Variants in NRP1 observed in about 807,000 individuals in gnomAD.
The protein encoded by NRP1 is neuropilin-1.
In NRP1, 35 loss-of-function variants were observed where a neutral mutation model predicts 106.7. The observed-to-expected ratio is 0.33, with a 90% confidence interval of 0.25 to 0.43. NRP1 has a LOEUF of 0.43. Among genes scored for constraint, NRP1 ranks in the 20% least tolerant of loss-of-function variants. The probability of loss-of-function intolerance (pLI) is 1.00; values close to 1 mark genes in which losing one functional copy is unlikely to be tolerated. For missense variants in NRP1, 1,024 were observed against 1,170.4 expected (o/e 0.87, Z 1.83); for synonymous variants, 437 against 417.9 (o/e 1.05, Z -0.56).
chr10:33,253,757 T>C (rs1056917211), intron 6 of NRP1, among the ~76,000 whole-genome samples: 4 of 152,066 alleles, frequency 2.6e-5, no homozygotes, highest in African/African-American at 9.7e-5. Context: ...CTCGGAAGAG[T>C]AGTATATAAG....
chr10:33,258,554 G>A (rs545338674), intron 4 of NRP1, among the ~76,000 whole-genome samples: 1 of 152,206 alleles, frequency 6.6e-6, no homozygotes, highest in East Asian at 1.9e-4. Context: ...ACGGACAATA[G>A]CTTTGCATTA....
Position 33,319,588 on chromosome 10 carries a change from C to CTT in NRP1, c.248+11118_248+11119dup, listed in dbSNP as rs35886672. ...TTTTTTTTTCTTTCTTTCTTTCTTTCTTTTTTTTTTTTTTTTGAGACAGTG... is the reference window on the plus strand; with the variant it reads ...TTTTTTTTTCTTTCTTTCTTTCTTTCTTTTTTTTTTTTTTTTTTGAGACAGTG... On this transcript the variant is annotated intron_variant, in intron 2 of 16. Transcript: ENST00000374867. Among the ~76,000 whole-genome samples, 440 of 115,584 alleles carry CTT rather than the reference C, an allele frequency of 3.8e-3. 4 individuals are homozygous for CTT. Among genetic ancestry groups the CTT allele is most frequent in the African/African-American group, 0.014 (408 of 29,898 alleles). 75.8% of individuals were successfully genotyped at this position (115,584 alleles called of 152,430 possible). A position where few individuals can be genotyped will look rare whatever the true frequency, so the allele number is the denominator to read the frequency against.
At chr10:33,195,338 T>C (rs2474725) in intron 12 of NRP1, 35,832 of 357,494 alleles carry the variant, frequency 0.1, 1,981 homozygotes, top group Middle Eastern at 0.21. Flanking sequence ...CAGAGAGAGC[T>C]AGATTAAAAA....
At chr10:33,256,294 T>A in intron 5 of NRP1, 22 bp downstream of exon 5, 1 of 1,612,534 alleles carries the variant, frequency 6.2e-7, no homozygotes, top group Admixed American at 1.7e-5. Context: ...CACAGGGCTT[T>A]GCAAAATGAA....
chr10:33,310,316 T>C (rs1215069685), intron 2 of NRP1, among the ~76,000 whole-genome samples: 1 of 129,780 alleles, frequency 7.7e-6, no homozygotes, highest in African/African-American at 2.8e-5. Flanking sequence ...AATGGCACCA[T>C]CTCGGCTCAC....
intron 4 of NRP1, among the ~76,000 whole-genome samples, chr10:33,261,714 C>T (rs1036179594): frequency 1.3e-5 from 2 of 152,092 alleles, no homozygotes; most frequent in Admixed American, 6.5e-5. Flanking sequence ...ATTTCAAAGA[C>T]TAAGGCAATC....
rs1838228716 is a variant in NRP1 at position 33,210,641 on chromosome 10, C to A, written c.1614+2745G>T. 3.9e-5 allele frequency among the ~76,000 whole-genome samples: 6 copies of A among 152,276 alleles called. No individual in the cohort carries two copies. The South Asian group carries it at 1.2e-3, about 32-fold the overall frequency. On this transcript the variant is annotated intron_variant, in intron 9 of 16. Transcript: ENST00000374867. ...GAGTGTTTCGACCTTCTCTCTGTTG[C>A]TAAAAAGTCTAGTTAATTCAAAGAT...
chr10:33,209,917 C>G (rs1369158966), intron 9 of NRP1, among the ~76,000 whole-genome samples: 1 of 152,232 alleles, frequency 6.6e-6, no homozygotes, highest in Non-Finnish European at 1.5e-5. Flanking sequence ...GAGTGGCTGG[C>G]CGGCCCCAGG....
intron 3 of NRP1, among the ~76,000 whole-genome samples, chr10:33,267,467 A>G (rs1157142479): frequency 1.3e-5 from 2 of 152,196 alleles, no homozygotes; most frequent in Non-Finnish European, 2.9e-5. Context: ...GCCAAGGACA[A>G]TAAGGACAGA....
intron 16 of NRP1, among the ~76,000 whole-genome samples, chr10:33,182,386 T>A (rs560970889): frequency 6.6e-6 from 1 of 152,320 alleles, no homozygotes; most frequent in African/African-American, 2.4e-5. Flanking sequence ...TGAGTGTGTT[T>A]GAGCTGATTA....
intron 3 of NRP1, among the ~76,000 whole-genome samples, chr10:33,266,660 C>A (rs899942845): frequency 1.3e-5 from 2 of 152,232 alleles, no homozygotes; most frequent in African/African-American, 4.8e-5. Flanking sequence ...ATCTGTGTCC[C>A]CACCAAATCT....
Position 33,263,683 on chromosome 10 carries a change from GC to G in NRP1, c.620del (p.Arg207ProfsTer5). Reference protein sequence around the residue: ...DSNPPGGMFCRYDRLEIWDGF... With the variant: ...DSNPPGGMFCXYDRLEIWDGF... ...CATCCCAGATTTCTAGCCGGTCGTA[GC>G]GACAGAACATCCCCCCTGGAGGATT... On this transcript the variant is annotated frameshift_variant, in exon 4 of 17. Transcript: ENST00000374867. LOFTEE classifies it high-confidence loss of function. 1 of 1,614,108 alleles carries G rather than the reference GC, an allele frequency of 6.2e-7. No individual in the cohort carries two copies.
intron 2 of NRP1, among the ~76,000 whole-genome samples, chr10:33,328,656 C>A (rs1180136460): frequency 1.3e-5 from 2 of 152,182 alleles, no homozygotes; most frequent in East Asian, 3.8e-4. Context: ...CTCATAAGAA[C>A]CAACTGTGCA....
intron 3 of NRP1, among the ~76,000 whole-genome samples, chr10:33,265,758 A>G (rs1403080047): frequency 6.6e-6 from 1 of 152,194 alleles, no homozygotes; most frequent in Non-Finnish European, 1.5e-5. Context: ...AGAGCTGCAA[A>G]TGCTTATCTA....
At chr10:33,230,222 C>T (rs1839999716) in intron 6 of NRP1, among the ~76,000 whole-genome samples, 1 of 152,150 alleles carries the variant, frequency 6.6e-6, no homozygotes, top group Non-Finnish European at 1.5e-5. Context: ...TGAGGGGAGA[C>T]AGATAAAGTC....
rs537235697 is a variant in NRP1 at position 33,329,156 on chromosome 10, C to A, written c.248+1552G>T. On this transcript the variant is annotated intron_variant, in intron 2 of 16. Transcript: ENST00000374867. ...ATTAGCAAAAATAAATAAATCAATA[C>A]AATGAACTCTTTGTTTCCAAGCAGT... Among the ~76,000 whole-genome samples the A allele has an allele frequency of 1.4e-4, 22 of 152,222 alleles. No individual in the cohort carries two copies. In the South Asian group the frequency reaches 4.6e-3, roughly 32 times the overall value.
chr10:33,284,588 C>T (rs752553689), intron 2 of NRP1, among the ~76,000 whole-genome samples: 45 of 152,098 alleles, frequency 3.0e-4, no homozygotes, highest in Non-Finnish European at 4.6e-4. Context: ...TTTCCCTTTA[C>T]GGCAAATTCC....
At chr10:33,199,448 GC>G (rs1227719759) in intron 11 of NRP1, among the ~76,000 whole-genome samples, 7 of 122,958 alleles carry the variant, frequency 5.7e-5, no homozygotes, top group Admixed American at 3.9e-4. Context: ...TCACTGTCTG[GC>G]CCAGGCTGGT....
intron 3 of NRP1, among the ~76,000 whole-genome samples, chr10:33,267,172 G>A (rs913185131): frequency 1.3e-5 from 2 of 152,212 alleles, no homozygotes; most frequent in Non-Finnish European, 2.9e-5. Flanking sequence ...CAGAAGCTGA[G>A]CAGGTGTGAA....
Sources: gnomAD v4.1 joint callset for allele counts (sites outside exome capture counted in the v4.1 genomes callset) on GRCh38, gnomAD v4.1.1 for gene constraint, MANE v1.5 for transcripts, NCBI Gene and HGNC (gene_info 2026-07-23, HGNC 2026-07-21) for gene names.